Variants in BCL2A1 observed in about 807,000 individuals in gnomAD.
BCL2A1 encodes BCL2 related protein A1.
BCL2A1 carries 10 observed loss-of-function variants against 14.4 expected under a neutral mutation model. The observed-to-expected ratio is 0.69, with a 90% CI of 0.43 to 1.18. The LOEUF is 1.18. Among genes scored for constraint, BCL2A1 ranks in the 50% most tolerant of loss-of-function variants. The pLI is 0.00. For synonymous variants in BCL2A1, 71 were observed against 76.5 expected (o/e 0.93, Z 0.38); for missense variants, 158 against 205.0 (o/e 0.77, Z 1.40).
chr15:79,967,500 GC>G (rs1169851194), intron 1 of BCL2A1: 1 of 933,358 alleles, frequency 1.1e-6, no homozygotes, highest in Admixed American at 2.7e-5. Context: ...ACAGGCATGA[GC>G]CACTGCACCC....
chr15:79,961,431 T>C (rs1025655531), intron 1 of BCL2A1, among the ~76,000 whole-genome samples: 2 of 152,222 alleles, frequency 1.3e-5, no homozygotes, highest in Non-Finnish European at 2.9e-5. Context: ...TTTATTTTAA[T>C]ATGTAATCAG....
At chr15:79,970,523 C>T (rs1160133863) in intron 1 of BCL2A1, among the ~76,000 whole-genome samples, 177 bp downstream of exon 1, 1 of 152,186 alleles carries the variant, frequency 6.6e-6, no homozygotes, top group Non-Finnish European at 1.5e-5. Context: ...AGTTCAAGTT[C>T]AAGGATTCAT....
intron 1 of BCL2A1, among the ~76,000 whole-genome samples, chr15:79,963,486 A>C (rs768060750): frequency 2.6e-5 from 4 of 152,234 alleles, no homozygotes; most frequent in Non-Finnish European, 4.4e-5. Context: ...GCAGTTAAAA[A>C]TGTACTTTTA....
chr15:79,962,359 G>A (rs1019048567), intron 1 of BCL2A1, among the ~76,000 whole-genome samples: 12 of 152,078 alleles, frequency 7.9e-5, no homozygotes, highest in Non-Finnish European at 1.2e-4. Context: ...AGTGTACATC[G>A]TGCTCTGAGA....
chr15:79,962,579 G>T (rs1009146184), intron 1 of BCL2A1, among the ~76,000 whole-genome samples: 6 of 152,088 alleles, frequency 3.9e-5, no homozygotes, highest in Non-Finnish European at 7.4e-5. Context: ...ATGGAGTCTT[G>T]CTCTATTGCC....
At position 79,966,187 on chromosome 15, in the gene BCL2A1, C is replaced by T. The variant is rs1052410404; in HGVS notation, c.420+4513G>A. On this transcript the variant is annotated intron_variant, in intron 1 of 1. Coordinates refer to ENST00000267953, the MANE Select transcript of BCL2A1 (RefSeq NM_004049.4). ...AAGTGTTTTATAATCCTTTAGCTTT[C>T]CTTTAAAGGTAGGTAAGATTGTTTT... Among the ~76,000 whole-genome samples, 6 of 152,058 alleles carry T rather than the reference C, an allele frequency of 3.9e-5. No homozygotes were observed. The South Asian group carries it at 6.2e-4, about 16-fold the overall frequency.
At chr15:79,966,550 C>T (rs561187199) in intron 1 of BCL2A1, among the ~76,000 whole-genome samples, 3 of 152,146 alleles carry the variant, frequency 2.0e-5, no homozygotes, top group Admixed American at 6.5e-5. Context: ...AGTAAGAAGA[C>T]CCATCTGGTT....
chr15:79,967,934 A>C (rs545291511), intron 1 of BCL2A1, among the ~76,000 whole-genome samples: 1 of 150,030 alleles, frequency 6.7e-6, no homozygotes, highest in Non-Finnish European at 1.5e-5. Flanking sequence ...TTTTTTTAAA[A>C]AAAAAAAAGA....
chr15:79,971,128 T>C lies in BCL2A1; in HGVS notation c.-9A>G, dbSNP rs1417930183. On this transcript the variant is annotated 5_prime_UTR_variant, in exon 1 of 2. Transcript: ENST00000267953. Reference sequence around the variant, plus strand: ...AATTCACAGTCTGTCATCTTCTGCCTGGTGGAGAGCAAAGTCTTGAGCTGG... The same window carrying C: ...AATTCACAGTCTGTCATCTTCTGCCCGGTGGAGAGCAAAGTCTTGAGCTGG... 1.2e-6 allele frequency: 2 copies of C among 1,610,214 alleles called. No individual in the cohort carries two copies. The highest frequency in any genetic ancestry group is 3.3e-5 in the Admixed American group (2 of 59,824).
chr15:79,966,700 C>G (rs1175394114), intron 1 of BCL2A1, among the ~76,000 whole-genome samples: 1 of 151,382 alleles, frequency 6.6e-6, no homozygotes, highest in South Asian at 2.1e-4. Context: ...CTTGTGAGAG[C>G]ACATCCTCTC....
intron 1 of BCL2A1, among the ~76,000 whole-genome samples, chr15:79,967,407 G>T (rs756876782): frequency 1.6e-4 from 24 of 151,908 alleles, no homozygotes; most frequent in Non-Finnish European, 3.2e-4. Context: ...GTAGAGACAG[G>T]GCTTTACCAT....
intron 1 of BCL2A1, among the ~76,000 whole-genome samples, chr15:79,967,057 G>A (rs1414755741): frequency 1.3e-5 from 2 of 152,060 alleles, no homozygotes; most frequent in Non-Finnish European, 2.9e-5. Context: ...CCAGGACATA[G>A]GTTGCAATAT....
intron 1 of BCL2A1, among the ~76,000 whole-genome samples, chr15:79,965,645 T>A (rs2035534668): frequency 6.6e-6 from 1 of 152,134 alleles, no homozygotes; most frequent in African/African-American, 2.4e-5. Flanking sequence ...CCAGGCTGAC[T>A]CCCAAGGTTA....
chr15:79,965,289 A>T (rs572419806), intron 1 of BCL2A1, among the ~76,000 whole-genome samples: 1 of 152,028 alleles, frequency 6.6e-6, no homozygotes, highest in East Asian at 1.9e-4. Context: ...CACCACGCCC[A>T]GCTAATTTTT....
intron 1 of BCL2A1, among the ~76,000 whole-genome samples, chr15:79,963,626 T>C (rs1209110663): frequency 1.3e-5 from 2 of 151,996 alleles, no homozygotes; most frequent in Non-Finnish European, 2.9e-5. Context: ...GATATAATAC[T>C]TTTGGAAAGA....
At position 79,971,016 on chromosome 15, in the gene BCL2A1, C is replaced by T. The variant is rs138003376; in HGVS notation, c.104G>A (p.Arg35Lys). Reference protein sequence around the residue: ...QPGSGPSKTSRVLQNVAFSVQ... With the variant: ...QPGSGPSKTSKVLQNVAFSVQ... ...TGAGAACGCAACATTTTGTAGCACT[C>T]TGGACGTTTTGCTTGGACCTGATCC... Residue 35 changes from arginine (R) to lysine (K), a missense_variant, in exon 1 of 2, where the codon AGA becomes AAA. By Grantham distance (26) the Arg-to-Lys change is conservative. Transcript: ENST00000267953. 25 of 1,614,096 alleles carry T rather than the reference C, an allele frequency of 1.5e-5. No individual in the cohort carries two copies. The African/African-American group carries it at 3.1e-4, about 20-fold the overall frequency.
intron 1 of BCL2A1, among the ~76,000 whole-genome samples, chr15:79,965,350 A>G (rs2035531268): frequency 6.6e-6 from 1 of 152,120 alleles, no homozygotes; most frequent in Non-Finnish European, 1.5e-5. Flanking sequence ...GATGGTCTCG[A>G]TCTCCTGACC....
rs770793891 is a variant in BCL2A1 at position 79,970,724 on chromosome 15, T to G, written c.396A>C (p.Glu132Asp). 1 of 1,608,940 alleles carries G rather than the reference T, an allele frequency of 6.2e-7. No individual in the cohort carries two copies. The highest frequency in any genetic ancestry group is 1.7e-5 in the Admixed American group (1 of 59,872). ...VAEFIMNNTG[E>D]WIRQNGGWEN... Reference sequence around the variant, plus strand: ...CCCAGCCTCCGTTTTGCCTTATCCATTCTCCTGTGTTATTCATTATGAACT... The same window carrying G: ...CCCAGCCTCCGTTTTGCCTTATCCAGTCTCCTGTGTTATTCATTATGAACT... Residue 132 changes from glutamate to aspartate, a missense_variant, in exon 1 of 2, where the codon GAA (glutamate) becomes GAC (aspartate). Transcript: ENST00000267953.
intron 1 of BCL2A1, among the ~76,000 whole-genome samples, chr15:79,968,836 A>C (rs2035568491): frequency 6.6e-6 from 1 of 152,246 alleles, no homozygotes; most frequent in Non-Finnish European, 1.5e-5. Context: ...AGGATGAGGC[A>C]GGAGAATTGC....
Sources: allele counts gnomAD v4.1 joint callset (sites outside exome capture counted in the v4.1 genomes callset), GRCh38; gene constraint gnomAD v4.1.1; transcripts MANE v1.5; gene names NCBI Gene and HGNC (gene_info 2026-07-23, HGNC 2026-07-21).